CDKAL1: variants seen among roughly 807,000 people sequenced by gnomAD.
CDKAL1 encodes CDKAL1 threonylcarbamoyladenosine tRNA methylthiotransferase, also known as threonylcarbamoyladenosine tRNA methylthiotransferase.
Under a neutral mutation model 68.2 loss-of-function variants are expected in CDKAL1, and 32 were observed. The observed-to-expected ratio is 0.47, with a 90% confidence interval of 0.35 to 0.63. The LOEUF (loss-of-function observed/expected upper bound fraction) is 0.63, where lower values mean the gene tolerates loss of function less well. Among genes scored for constraint, CDKAL1 ranks in the 30% least tolerant of loss-of-function variants. The pLI is 0.00. For missense variants in CDKAL1, 606 were observed against 696.7 expected (o/e 0.87, Z 1.47); for synonymous variants, 234 against 244.3 (o/e 0.96, Z 0.39).
chr6:21,052,982 G>T (rs1007156587), intron 11 of CDKAL1, among the ~76,000 whole-genome samples: 2 of 152,166 alleles, frequency 1.3e-5, no homozygotes, highest in African/African-American at 4.8e-5. Context: ...TGTTAAGTCT[G>T]TAGGATAATT....
chr6:21,104,556 A>G (rs1773751270), intron 12 of CDKAL1, among the ~76,000 whole-genome samples: 1 of 151,718 alleles, frequency 6.6e-6, no homozygotes, highest in Non-Finnish European at 1.5e-5. Flanking sequence ...CAGATTGGCT[A>G]TGGGGCCATA....
intron 4 of CDKAL1, among the ~76,000 whole-genome samples, chr6:20,590,426 T>G (rs1261666415): frequency 6.6e-6 from 1 of 152,174 alleles, no homozygotes; most frequent in Non-Finnish European, 1.5e-5. Flanking sequence ...AAAACATAGG[T>G]ATACACGTGC....
intron 5 of CDKAL1, among the ~76,000 whole-genome samples, chr6:20,704,177 T>A (rs1259736870): frequency 2.0e-5 from 3 of 152,184 alleles, no homozygotes; most frequent in African/African-American, 2.4e-5. Context: ...TCAATTTTTT[T>A]ATCAAATTAC....
At chr6:21,148,867 A>C (rs924662468) in intron 13 of CDKAL1, among the ~76,000 whole-genome samples, 1 of 152,226 alleles carries the variant, frequency 6.6e-6, no homozygotes, top group Non-Finnish European at 1.5e-5. Context: ...ATTTTAAAAG[A>C]TTACCATTCA....
At chr6:20,922,428 G>A (rs1015934021) in intron 9 of CDKAL1, among the ~76,000 whole-genome samples, 1 of 152,216 alleles carries the variant, frequency 6.6e-6, no homozygotes, top group South Asian at 2.1e-4. Flanking sequence ...CACCTAAGAC[G>A]CATAGGAGCC....
chr6:21,217,169 T>C (rs1779367009), intron 15 of CDKAL1, among the ~76,000 whole-genome samples: 3 of 152,034 alleles, frequency 2.0e-5, no homozygotes, highest in African/African-American at 7.2e-5. Context: ...ATTGGTTTTA[T>C]ATATATATAC....
At chr6:21,203,660 T>C (rs1415201343) in intron 15 of CDKAL1, among the ~76,000 whole-genome samples, 1 of 150,890 alleles carries the variant, frequency 6.6e-6, no homozygotes, top group Non-Finnish European at 1.5e-5. Context: ...CAAAATACTG[T>C]GCTTTGGACT....
chr6:20,788,380 G>A (rs1037995853), intron 8 of CDKAL1, among the ~76,000 whole-genome samples: 8 of 152,186 alleles, frequency 5.3e-5, no homozygotes, highest in South Asian at 2.1e-4. Flanking sequence ...TTTGCACACC[G>A]TAAGGTGAGT....
At chr6:21,143,832 G>A (rs1776037386) in intron 13 of CDKAL1, among the ~76,000 whole-genome samples, 2 of 152,074 alleles carry the variant, frequency 1.3e-5, no homozygotes, top group African/African-American at 4.8e-5. Flanking sequence ...GACCCTAGTC[G>A]GGAGGGTAAT....
intron 10 of CDKAL1, among the ~76,000 whole-genome samples, chr6:20,996,678 A>T (rs1767130889): frequency 6.6e-6 from 1 of 152,330 alleles, no homozygotes; most frequent in Non-Finnish European, 1.5e-5. Context: ...GTAATAATTT[A>T]AAAAGTCTAA....
chr6:20,640,800 G>A (rs1269411819), intron 4 of CDKAL1, among the ~76,000 whole-genome samples: 2 of 152,086 alleles, frequency 1.3e-5, no homozygotes, highest in Admixed American at 6.5e-5. Context: ...CCCTCTCACC[G>A]TGTGATTCTA....
Position 21,053,447 on chromosome 6 carries a change from G to A in CDKAL1, c.1056-11601G>A, listed in dbSNP as rs548981048. Reference sequence around the variant, plus strand: ...TGTGAAAATCCAAGTACAGGTCTTCGTGTGAGCTTACATTTTCGTTTCCCT... The same window carrying A: ...TGTGAAAATCCAAGTACAGGTCTTCATGTGAGCTTACATTTTCGTTTCCCT... On this transcript the variant is annotated intron_variant, in intron 11 of 15. Transcript: ENST00000274695. Among the ~76,000 whole-genome samples the A allele has an allele frequency of 3.9e-5, 6 of 152,270 alleles. No homozygotes were observed. In the East Asian group the frequency reaches 9.6e-4, roughly 24 times the overall value.
chr6:20,872,278 T>C (rs1760261696), intron 9 of CDKAL1, among the ~76,000 whole-genome samples: 1 of 152,198 alleles, frequency 6.6e-6, no homozygotes, highest in Non-Finnish European at 1.5e-5. Flanking sequence ...CCCTAAAAAG[T>C]TTATTTTTCT....
intron 4 of CDKAL1, among the ~76,000 whole-genome samples, chr6:20,625,163 C>T (rs1041396470): frequency 2.6e-5 from 4 of 152,054 alleles, no homozygotes; most frequent in Non-Finnish European, 5.9e-5. Flanking sequence ...AGGTATAGCT[C>T]TTTCTAAGAG....
At chr6:20,937,635 G>T (rs1432495118) in intron 9 of CDKAL1, among the ~76,000 whole-genome samples, 2 of 152,086 alleles carry the variant, frequency 1.3e-5, no homozygotes, top group South Asian at 2.1e-4. Context: ...TAATATTTTT[G>T]AAATGTGCTG....
At chr6:20,973,927 A>G (rs1228156239) in intron 10 of CDKAL1, among the ~76,000 whole-genome samples, 1 of 152,190 alleles carries the variant, frequency 6.6e-6, no homozygotes, top group Non-Finnish European at 1.5e-5. Context: ...TCTGACTAGC[A>G]ATGACTATAA....
At chr6:20,976,652 A>T (rs1415377046) in intron 10 of CDKAL1, among the ~76,000 whole-genome samples, 1 of 152,210 alleles carries the variant, frequency 6.6e-6, no homozygotes, top group East Asian at 1.9e-4. Context: ...TGATTGTCTC[A>T]TGTTCCTTCC....
At chr6:21,160,653 A>G (rs144483555) in intron 13 of CDKAL1, among the ~76,000 whole-genome samples, 1 of 133,060 alleles carries the variant, frequency 7.5e-6, no homozygotes, top group African/African-American at 2.7e-5. Context: ...ACACACACAC[A>G]CACGTGTGTG....
At chr6:20,944,145 G>T (rs1764119141) in intron 9 of CDKAL1, among the ~76,000 whole-genome samples, 1 of 152,182 alleles carries the variant, frequency 6.6e-6, no homozygotes, top group African/African-American at 2.4e-5. Flanking sequence ...TGTCTGTACT[G>T]TGACCTGGAA....
Sources: allele counts gnomAD v4.1 joint callset (sites outside exome capture counted in the v4.1 genomes callset), GRCh38; gene constraint gnomAD v4.1.1; transcripts MANE v1.5; gene names NCBI Gene and HGNC (gene_info 2026-07-23, HGNC 2026-07-21).